The following SHROOM4 variants were observed in gnomAD, a reference collection of about 807,000 sequenced individuals.
The protein encoded by SHROOM4 is protein Shroom4.
Under a neutral mutation model 80.3 loss-of-function variants are expected in SHROOM4, and 17 were observed. That is an observed-to-expected ratio of 0.21 (90% CI 0.14 to 0.32). The LOEUF is 0.32. SHROOM4 is among the 10% of genes least tolerant of loss of function. SHROOM4 has a pLI of 1.00. For missense variants in SHROOM4, 993 were observed against 1,140.3 expected (o/e 0.87, Z 1.86); for synonymous variants, 400 against 437.5 (o/e 0.91, Z 1.07).
intron 5 of SHROOM4, among the ~76,000 whole-genome samples, chrX:50,615,059 T>C (rs1930169213): frequency 1.8e-5 from 2 of 110,502 alleles, no homozygotes; most frequent in African/African-American, 6.6e-5. Context: ...ATGTCTCTTG[T>C]AAAGAGTTGT....
chrX:50,752,136 C>A (rs1308554021), intron 1 of SHROOM4, among the ~76,000 whole-genome samples: 2 of 111,827 alleles, frequency 1.8e-5, no homozygotes, highest in African/African-American at 6.5e-5. Context: ...TATAGGGATT[C>A]CCTGTCCTGA....
At chrX:50,607,057 G>A (rs17003368) in intron 6 of SHROOM4, among the ~76,000 whole-genome samples, 1,770 of 109,898 alleles carry the variant, frequency 0.016, 150 homozygotes, top group Admixed American at 0.16. Flanking sequence ...GGGATCAGGG[G>A]CCAGAAATTG....
At chrX:50,611,814 G>A (rs1930007039) in intron 5 of SHROOM4, among the ~76,000 whole-genome samples, 1 of 110,864 alleles carries the variant, frequency 9.0e-6, no homozygotes, top group African/African-American at 3.3e-5. Flanking sequence ...CAGCTACTCG[G>A]GAGGCTGAGG....
chrX:50,597,704 C>T (rs1212704345), intron 8 of SHROOM4, among the ~76,000 whole-genome samples: 1 of 111,991 alleles, frequency 8.9e-6, no homozygotes. Context: ...AGTATGCTCA[C>T]CTCATTTTAC....
At chrX:50,791,502 T>G (rs1935849738) in intron 1 of SHROOM4, among the ~76,000 whole-genome samples, 1 of 107,450 alleles carries the variant, frequency 9.3e-6, no homozygotes, top group African/African-American at 3.4e-5. Context: ...CAGCCTTGAT[T>G]GCCCAGGCTC....
chrX:50,630,757 T>A (rs1362868125), intron 4 of SHROOM4, among the ~76,000 whole-genome samples: 2 of 111,744 alleles, frequency 1.8e-5, no homozygotes, highest in Non-Finnish European at 3.8e-5. Context: ...TAAAGTAAGT[T>A]GAAAACAACT....
At chrX:50,584,920 C>A (rs1053534763), downstream of SHROOM4, among the ~76,000 whole-genome samples, 31 of 110,824 alleles carry the variant, frequency 2.8e-4, no homozygotes, top group African/African-American at 9.8e-4. Flanking sequence ...AATTTGGGAG[C>A]CAGCTTTATA....
At chrX:50,714,620 AAAT>A (rs1443709731) in intron 1 of SHROOM4, among the ~76,000 whole-genome samples, 1 of 112,330 alleles carries the variant, frequency 8.9e-6, no homozygotes, top group Non-Finnish European at 1.9e-5. Context: ...CTTTATATTT[AAAT>A]AATATTTACT....
chrX:50,602,763 G>A lies in SHROOM4; in HGVS notation c.3812C>T (p.Thr1271Ile). ...AATATTGTAATAAGCTGAGTAAGAG[G>A]TAGGGATTCCTGGGGCCCCTGAAGG... ...SPPSGAPGIP[T>I]SYSAYYNISV... The change falls in exon 7 of 9, where the codon ACC becomes ATC. Residue 1271 changes from threonine (T) to isoleucine (I), a missense_variant. Coordinates refer to ENST00000376020, the MANE Select transcript of SHROOM4 (RefSeq NM_020717.5). 3.3e-6 allele frequency: 4 copies of A among 1,211,339 alleles called. No individual in the cohort carries two copies. Among genetic ancestry groups the A allele is most frequent in the Non-Finnish European group, 4.5e-6 (4 of 895,250 alleles).
chrX:50,646,964 G>C (rs1447713301), intron 2 of SHROOM4, among the ~76,000 whole-genome samples: 1 of 111,507 alleles, frequency 9.0e-6, no homozygotes, highest in Non-Finnish European at 1.9e-5. Flanking sequence ...TTGACCCTCT[G>C]CTTCCATTTC....
At chrX:50,756,591 A>G (rs1190037775) in intron 1 of SHROOM4, among the ~76,000 whole-genome samples, 1 of 112,411 alleles carries the variant, frequency 8.9e-6, no homozygotes. Context: ...CCAAAGAACT[A>G]CACCATTTTG....
At chrX:50,598,001 A>C (rs990864951) in intron 8 of SHROOM4, among the ~76,000 whole-genome samples, 1 of 110,439 alleles carries the variant, frequency 9.1e-6, no homozygotes, top group Non-Finnish European at 1.9e-5. Context: ...ACCCTGCCAG[A>C]CTAATTTTTG....
chrX:50,753,131 G>A (rs1288064820), intron 1 of SHROOM4, among the ~76,000 whole-genome samples: 4 of 111,878 alleles, frequency 3.6e-5, no homozygotes, highest in African/African-American at 1.3e-4. Context: ...AAGGACTTGA[G>A]TGGCATGTGC....
Position 50,610,352 on chromosome X carries a change from T to TCTCTCACACACACA in SHROOM4, c.2958-2169_2958-2168insTGTGTGTGTGAGAG, listed in dbSNP as rs782591424. Among the ~76,000 whole-genome samples, 110 of 91,707 alleles carry TCTCTCACACACACA rather than the reference T, an allele frequency of 1.2e-3. 2 individuals are homozygous for TCTCTCACACACACA. The highest frequency in any genetic ancestry group is 4.4e-3 in the African/African-American group (96 of 21,867). The allele number at this position is 91,707 out of a possible 115,157, so 79.6% of individuals were successfully genotyped here. ...GGCATATTCTCTCTCTCTCTCTCTC[T>TCTCTCACACACACA]CACACACACACACACACACACACAC... On this transcript the variant is annotated intron_variant, in intron 5 of 8. Coordinates refer to ENST00000376020, the MANE Select transcript of SHROOM4 (RefSeq NM_020717.5).
chrX:50,797,155 G>A (rs1007199345), intron 1 of SHROOM4, among the ~76,000 whole-genome samples: 1 of 110,240 alleles, frequency 9.1e-6, no homozygotes, highest in Non-Finnish European at 1.9e-5. Context: ...AGAGGCAGTC[G>A]ATTTACAGAG....
At chrX:50,643,483 C>T (rs1374807405) in intron 2 of SHROOM4, 7 of 111,272 alleles carry the variant, frequency 6.3e-5, no homozygotes, top group Admixed American at 2.9e-4. Flanking sequence ...GAGTGTGATC[C>T]AAGGGGCTCA....
intron 5 of SHROOM4, among the ~76,000 whole-genome samples, chrX:50,610,635 G>A (rs1184124209): frequency 1.8e-5 from 2 of 111,261 alleles, no homozygotes; most frequent in Non-Finnish European, 3.8e-5. Flanking sequence ...TCATTCATAG[G>A]TTTCTAGTGC....
At chrX:50,694,943 A>G (rs983839322) in intron 2 of SHROOM4, among the ~76,000 whole-genome samples, 2 of 110,060 alleles carry the variant, frequency 1.8e-5, no homozygotes, top group Non-Finnish European at 3.8e-5. Flanking sequence ...AAAGAAAAAA[A>G]AAAACAATAG....
At position 50,813,951 on chromosome X, in the gene SHROOM4, A is replaced by T; in HGVS notation, c.68T>A (p.Phe23Tyr). The T allele has an allele frequency of 8.3e-7, 1 of 1,208,173 alleles. No homozygotes were observed. The highest frequency in any genetic ancestry group is 1.1e-6 in the Non-Finnish European group (1 of 893,492). The change falls in exon 1 of 9, where the codon TTC (phenylalanine) becomes TAC (tyrosine). Residue 23 changes from phenylalanine to tyrosine, a missense_variant. By Grantham distance (22) the Phe-to-Tyr change is conservative. Transcript: ENST00000376020. The stretch of plus-strand genomic sequence containing the variant: ...GTGTTCCAGACCCCCCTTAAGGGTG[A>T]AGCCCCAGGGTGCCCCCCCTTGCAG... ...VQLQGGAPWG[F>Y]TLKGGLEHCE...
Sources: allele counts gnomAD v4.1 joint callset (sites outside exome capture counted in the v4.1 genomes callset), GRCh38; gene constraint gnomAD v4.1.1; transcripts MANE v1.5; gene names NCBI Gene and HGNC (gene_info 2026-07-23, HGNC 2026-07-21).